Variants in NRXN3 observed in about 807,000 individuals in gnomAD.
NRXN3 encodes neurexin III.
NRXN3 carries 32 observed loss-of-function variants against 137.6 expected under a neutral mutation model. The observed-to-expected ratio is 0.23, with a 90% confidence interval of 0.18 to 0.31. The LOEUF (loss-of-function observed/expected upper bound fraction) is 0.31, where lower values mean the gene tolerates loss of function less well. NRXN3 is among the 10% of genes least tolerant of loss of function. The pLI, the probability that NRXN3 is intolerant of heterozygous loss-of-function variation, is 1.00. For missense variants in NRXN3, 1,574 were observed against 2,062.5 expected (o/e 0.76, Z 4.59); for synonymous variants, 798 against 784.5 (o/e 1.02, Z -0.29).
intron 15 of NRXN3, among the ~76,000 whole-genome samples, chr14:79,194,925 G>A (rs1026411749): frequency 4.6e-5 from 7 of 152,106 alleles, no homozygotes; most frequent in African/African-American, 1.4e-4. Context: ...TTCTGTGGAG[G>A]AAGAGGCTAT....
chr14:78,450,518 C>T (rs988195697), intron 4 of NRXN3, among the ~76,000 whole-genome samples: 2 of 152,130 alleles, frequency 1.3e-5, no homozygotes, highest in Non-Finnish European at 2.9e-5. Flanking sequence ...TGATGATTTT[C>T]GCACGCTTTA....
chr14:78,783,417 G>A lies in NRXN3; in HGVS notation c.2045-20203G>A, dbSNP rs78189821. On this transcript the variant is annotated intron_variant, in intron 8 of 20. Transcript: ENST00000335750. ...TGAGGAACTATTGTAGACTGGAAGG[G>A]AGCATGGCAAAATAATAGCTATTGT... is the stretch of plus-strand genomic sequence containing the variant. Among the ~76,000 whole-genome samples, 834 of 152,248 alleles carry A rather than the reference G, an allele frequency of 5.5e-3. 6 individuals carry two copies. Among genetic ancestry groups the A allele is most frequent in the East Asian group, 0.032 (167 of 5,172 alleles).
Position 79,453,106 on chromosome 14 carries a change from A to G in NRXN3, c.3263-14115A>G, listed in dbSNP as rs2096203321. ...GAAGAGCAAACCCATTTGTCCTAAT[A>G]TTCCTGGAGAATTATTTCATTCAAA... On this transcript the variant is annotated intron_variant, in intron 15 of 20. Transcript: ENST00000335750. 2.6e-5 allele frequency among the ~76,000 whole-genome samples: 4 copies of G among 152,156 alleles called. No individual in the cohort carries two copies. The South Asian group carries it at 8.3e-4, about 31-fold the overall frequency.
intron 8 of NRXN3, among the ~76,000 whole-genome samples, chr14:78,748,263 T>C (rs1166894926): frequency 6.6e-6 from 1 of 152,060 alleles, no homozygotes; most frequent in Non-Finnish European, 1.5e-5. Context: ...AAGTGAGAAA[T>C]AAAGGCTGGC....
chr14:78,653,798 T>C (rs1601932177), intron 6 of NRXN3, among the ~76,000 whole-genome samples: 1 of 152,018 alleles, frequency 6.6e-6, no homozygotes, highest in Admixed American at 6.6e-5. Flanking sequence ...AGAATCATTC[T>C]GAATAGCTTA....
rs543903695 is a variant in NRXN3, at chr14:79,410,057, G to GT, written c.3263-57155dup. Among the ~76,000 whole-genome samples the GT allele has an allele frequency of 1.4e-4, 21 of 149,704 alleles. No homozygotes were observed. In the East Asian group the frequency reaches 1.6e-3, roughly 11 times the overall value. Reference sequence around the variant, plus strand: ...CAGATTTCTCTCAGTTCTAGTTAAGGTTTTTTTTTGGCTTCCATTTGCCCC... The same window carrying GT: ...CAGATTTCTCTCAGTTCTAGTTAAGGTTTTTTTTTTGGCTTCCATTTGCCCC... On this transcript the variant is annotated intron_variant, in intron 15 of 20. Coordinates refer to ENST00000335750, the MANE Select transcript of NRXN3 (RefSeq NM_001330195.2).
intron 16 of NRXN3, among the ~76,000 whole-genome samples, chr14:79,614,082 C>G (rs976986244): frequency 8.5e-5 from 13 of 152,176 alleles, no homozygotes; most frequent in African/African-American, 3.1e-4. Flanking sequence ...TTGTTAGAAA[C>G]TTTAGAAAGA....
At chr14:78,545,244 G>A (rs2096626674) in intron 4 of NRXN3, among the ~76,000 whole-genome samples, 1 of 152,098 alleles carries the variant, frequency 6.6e-6, no homozygotes, top group African/African-American at 2.4e-5. Flanking sequence ...ATAGGAAGGT[G>A]GTTTCTGAGG....
intron 15 of NRXN3, among the ~76,000 whole-genome samples, chr14:79,064,007 C>T (rs975188861): frequency 6.6e-6 from 1 of 152,268 alleles, no homozygotes; most frequent in African/African-American, 2.4e-5. Context: ...GTTTACATCA[C>T]AGTGCAAGTG....
chr14:78,887,023 G>A (rs1440261814), intron 10 of NRXN3, among the ~76,000 whole-genome samples: 3 of 152,078 alleles, frequency 2.0e-5, no homozygotes, highest in African/African-American at 7.2e-5. Context: ...TTTAGTCTTT[G>A]TATATTTAAT....
intron 15 of NRXN3, among the ~76,000 whole-genome samples, chr14:79,424,608 G>A (rs183324921): frequency 3.9e-5 from 6 of 152,252 alleles, no homozygotes; most frequent in African/African-American, 1.4e-4. Flanking sequence ...CAGGAAAGCT[G>A]GGAGTTGAAC....
chr14:78,286,472 T>G (rs944440544), intron 3 of NRXN3, among the ~76,000 whole-genome samples: 1 of 152,132 alleles, frequency 6.6e-6, no homozygotes, highest in African/African-American at 2.4e-5. Flanking sequence ...CCTCCCAGTC[T>G]GCAGACCTGC....
intron 16 of NRXN3, among the ~76,000 whole-genome samples, chr14:79,516,377 A>G (rs80219581): frequency 0.034 from 5,127 of 152,206 alleles, 129 homozygotes; most frequent in Non-Finnish European, 0.049. Flanking sequence ...CTCCAGTCAC[A>G]AGAGAGTTTG....
At chr14:79,698,016 G>C (rs2098741491) in intron 19 of NRXN3, 79 bp downstream of exon 19, 1 of 1,306,710 alleles carries the variant, frequency 7.7e-7, no homozygotes, top group Non-Finnish European at 1.1e-6. Context: ...GCTTTATGTA[G>C]CTAAAGAGTT....
At position 78,778,678 on chromosome 14, in the gene NRXN3, T is replaced by TTTTCTCTTTC. The variant is rs1555489572; in HGVS notation, c.2045-24937_2045-24936insCTTTCTTTCT. Reference sequence around the variant, plus strand: ...TCTTTTCCTTTTCTTTTCTCTTTTCTTTTCTTTCTTTCTTTCTTTCTTTCT... The same window carrying TTTTCTCTTTC: ...TCTTTTCCTTTTCTTTTCTCTTTTCTTTTCTCTTTCTTTCTTTCTTTCTTTCTTTCTTTCT... On this transcript the variant is annotated intron_variant, in intron 8 of 20. Coordinates refer to ENST00000335750, the MANE Select transcript of NRXN3 (RefSeq NM_001330195.2). 6.1e-5 allele frequency among the ~76,000 whole-genome samples: 7 copies of TTTTCTCTTTC among 114,524 alleles called. 1 individual carries two copies. In the East Asian group the frequency reaches 1.6e-3, roughly 26 times the overall value. 75.1% of individuals were successfully genotyped at this position (114,524 alleles called of 152,430 possible).
chr14:79,616,177 A>C (rs2098153573), intron 16 of NRXN3, among the ~76,000 whole-genome samples: 1 of 152,186 alleles, frequency 6.6e-6, no homozygotes, highest in Non-Finnish European at 1.5e-5. Flanking sequence ...AGGATTGATT[A>C]GAAGGAAGCC....
At chr14:79,790,843 A>G (rs2099142993) in intron 19 of NRXN3, among the ~76,000 whole-genome samples, 1 of 149,204 alleles carries the variant, frequency 6.7e-6, no homozygotes, top group Non-Finnish European at 1.5e-5. Flanking sequence ...TGGGTCTTGA[A>G]CTCCTGACCT....
intron 6 of NRXN3, among the ~76,000 whole-genome samples, chr14:78,667,857 C>T (rs1301767541): frequency 6.6e-6 from 1 of 151,990 alleles, no homozygotes; most frequent in African/African-American, 2.4e-5. Flanking sequence ...GATATCAGCT[C>T]ACTGCAACCT....
At chr14:79,149,553 A>T (rs1289145199) in intron 15 of NRXN3, among the ~76,000 whole-genome samples, 2 of 152,134 alleles carry the variant, frequency 1.3e-5, no homozygotes, top group Non-Finnish European at 2.9e-5. Flanking sequence ...AGAGACATGC[A>T]TGCGTATATT....
Sources: allele counts gnomAD v4.1 joint callset (sites outside exome capture counted in the v4.1 genomes callset), GRCh38; gene constraint gnomAD v4.1.1; transcripts MANE v1.5; gene names NCBI Gene and HGNC (gene_info 2026-07-23, HGNC 2026-07-21).